The following DNAH12 variants were observed in gnomAD, a reference collection of about 807,000 sequenced individuals.
DNAH12 encodes axonemal beta dynein heavy chain 12.
DNAH12 carries 285 observed loss-of-function variants against 371.5 expected under a neutral mutation model. The ratio of observed to expected loss-of-function variants is 0.77; its 90% CI spans 0.70 to 0.85. The LOEUF (loss-of-function observed/expected upper bound fraction) is 0.85. Ranked by LOEUF, DNAH12 falls within the 40% of genes least tolerant of loss-of-function variation. DNAH12 has a pLI of 0.00. For missense variants in DNAH12, 3,611 were observed against 3,689.4 expected (o/e 0.98, Z 0.55); for synonymous variants, 1,200 against 1,213.0 (o/e 0.99, Z 0.22).
At chr3:57,341,961 A>T (rs1459994214) in intron 60 of DNAH12, among the ~76,000 whole-genome samples, 2 of 152,194 alleles carry the variant, frequency 1.3e-5, no homozygotes, top group Non-Finnish European at 2.9e-5. Context: ...AAATTAATCC[A>T]TGTATCTACA....
chr3:57,472,571 T>C lies in DNAH12; in HGVS notation c.1751A>G (p.Asn584Ser), dbSNP rs1240624118. 8.4e-6 allele frequency: 13 copies of C among 1,549,888 alleles called. No individual in the cohort carries two copies. The East Asian group carries it at 2.7e-4, about 32-fold the overall frequency. The change falls in exon 14 of 74, where the codon AAT becomes AGT. Residue 584 changes from asparagine (N) to serine (S), a missense_variant. Physicochemically the swap from Asn to Ser is conservative, Grantham distance 46 (BLOSUM62 1). This residue lies in a region of DNAH12 where 1,314 missense variants were observed against 1,398.7 expected (regional missense o/e 0.94). Coordinates refer to ENST00000495027, the MANE Select transcript of DNAH12 (RefSeq NM_001366028.2). ...CTCATCATTTTCATCAAAGATGGGA[T>C]TAATTTTCCTAGGCCACATGAGGAC... ...ATVLMWPRKI[N>S]PIFDENDELI...
At chr3:57,323,323 G>A in intron 63 of DNAH12, 63 bp from the exon 64 acceptor site, 1 of 1,501,972 alleles carries the variant, frequency 6.7e-7, no homozygotes, top group Non-Finnish European at 8.9e-7. Context: ...AGTGCCTTAT[G>A]TATAGGTGTT....
intron 70 of DNAH12, among the ~76,000 whole-genome samples, chr3:57,301,057 A>G (rs2061333364): frequency 1.3e-5 from 2 of 152,030 alleles, no homozygotes; most frequent in South Asian, 4.1e-4. Context: ...TGGGAGGCCA[A>G]GGTGGGAGGA....
At chr3:57,469,626 T>G (rs984581968) in intron 16 of DNAH12, among the ~76,000 whole-genome samples, 1 of 152,166 alleles carries the variant, frequency 6.6e-6, no homozygotes, top group East Asian at 1.9e-4. Context: ...TTGGTACATA[T>G]ACACCATGGA....
chr3:57,535,880 C>T (rs2069022683), intron 2 of DNAH12, among the ~76,000 whole-genome samples: 1 of 145,324 alleles, frequency 6.9e-6, no homozygotes, highest in African/African-American at 2.6e-5. Context: ...CTCTATTGCC[C>T]AGCTGGAGTA....
chr3:57,387,638 A>G lies in DNAH12; in HGVS notation c.7306-419T>C, dbSNP rs912763025. On this transcript the variant is annotated intron_variant, in intron 45 of 73. Coordinates refer to ENST00000495027, the MANE Select transcript of DNAH12 (RefSeq NM_001366028.2). ...TAGCAATATACCCAGCTAAAAGACT[A>G]AATCTCCTAGACTCCCTTGGAATTC... is the stretch of plus-strand genomic sequence containing the variant. Among the ~76,000 whole-genome samples the G allele has an allele frequency of 3.6e-3, 552 of 152,292 alleles. 2 individuals are homozygous for G. The highest frequency in any genetic ancestry group is 5.6e-3 in the Non-Finnish European group (378 of 68,024).
rs1175109486 is a variant in DNAH12, at chr3:57,366,832, G to A, written c.9064C>T (p.His3022Tyr). 2.0e-5 allele frequency: 3 copies of A among 152,154 alleles called. No homozygotes were observed. Among genetic ancestry groups the A allele is most frequent in the Non-Finnish European group, 4.4e-5 (3 of 68,028 alleles). 9.4% of individuals were successfully genotyped at this position (152,154 alleles called of 1,614,324 possible). The stretch of plus-strand genomic sequence containing the variant: ...TTTGTAGCCAGTTCTGGCATATAGT[G>A]CGGGTTTCTCAGTTTTGTGGTGATA... ...FYITTKLRNPHYMPELATKVS... is the reference protein window; with the variant it reads ...FYITTKLRNPYYMPELATKVS... Residue 3022 changes from histidine to tyrosine, a missense_variant, in exon 57 of 74, where the codon CAC becomes TAC. His to Tyr is a moderately conservative substitution (Grantham distance 83, BLOSUM62 2). Coordinates refer to ENST00000495027, the MANE Select transcript of DNAH12 (RefSeq NM_001366028.2).
chr3:57,468,773 A>T lies in DNAH12; in HGVS notation c.2312T>A (p.Met771Lys). 6.6e-7 allele frequency: 1 copy of T among 1,521,976 alleles called. No individual in the cohort carries two copies. The highest frequency in any genetic ancestry group is 1.3e-5 in the South Asian group (1 of 77,666). The allele number at this position is 1,521,976 out of a possible 1,614,324, so 94.3% of individuals were successfully genotyped here. A position where few individuals can be genotyped will look rare whatever the true frequency, so the allele number is the denominator to read the frequency against. ...EEPKDNATIT[M>K]CSTVMEQIKA... Reference sequence around the variant, plus strand: ...TATCTGTTCCATGACTGTACTGCACATAGTAATAGTAGCATTGTCTTTTGG... The same window carrying T: ...TATCTGTTCCATGACTGTACTGCACTTAGTAATAGTAGCATTGTCTTTTGG... The change falls in exon 17 of 74, where the codon ATG becomes AAG. Residue 771 changes from methionine (M) to lysine (K), a missense_variant. Physicochemically the swap from Met to Lys is moderately conservative, Grantham distance 95. This residue lies in a region of DNAH12 where 1,314 missense variants were observed against 1,398.7 expected (regional missense o/e 0.94). Transcript: ENST00000495027.
chr3:57,502,356 A>T lies in DNAH12; in HGVS notation c.1210T>A (p.Leu404Ile). 1.2e-6 allele frequency: 2 copies of T among 1,614,138 alleles called. No individual in the cohort carries two copies. Among genetic ancestry groups the T allele is most frequent in the Non-Finnish European group, 8.5e-7 (1 of 1,180,028 alleles). The change falls in exon 10 of 74, where the codon TTA becomes ATA. Residue 404 changes from leucine (L) to isoleucine (I), a missense_variant. Leu to Ile is a conservative substitution (Grantham distance 5). Transcript: ENST00000495027. ...DTLKAAVHRN[L>I]EGARKHYETY... ...TCATAATGCTTTCTTGCACCTTCTA[A>T]GTTCCGATGTACTGCTGCCTTCAGT...
intron 62 of DNAH12, among the ~76,000 whole-genome samples, chr3:57,333,824 CATT>C (rs1395715438): frequency 6.6e-6 from 1 of 152,056 alleles, no homozygotes; most frequent in African/African-American, 2.4e-5. Context: ...TCCAATCAGA[CATT>C]ATTAGACATG....
chr3:57,521,056 T>A (rs2068414269), intron 4 of DNAH12, among the ~76,000 whole-genome samples: 1 of 86,672 alleles, frequency 1.2e-5, no homozygotes, highest in African/African-American at 4.5e-5. Context: ...AAAGTGAGAC[T>A]CTGTCTCAAA....
intron 69 of DNAH12, among the ~76,000 whole-genome samples, chr3:57,307,287 C>A (rs182956181): frequency 6.6e-6 from 1 of 152,174 alleles, no homozygotes; most frequent in Admixed American, 6.5e-5. Context: ...GGAAACCTAG[C>A]TGACCCCATA....
chr3:57,373,972 A>G (rs2063230410), intron 55 of DNAH12, among the ~76,000 whole-genome samples: 1 of 152,242 alleles, frequency 6.6e-6, no homozygotes, highest in Non-Finnish European at 1.5e-5. Flanking sequence ...CAAAGAATAT[A>G]AAACAAACAA....
chr3:57,418,539 C>CAA (rs779250987), intron 37 of DNAH12, among the ~76,000 whole-genome samples: 117 of 100,880 alleles, frequency 1.2e-3, no homozygotes, highest in Middle Eastern at 5.8e-3. Flanking sequence ...GACCCTGTCT[C>CAA]AAAAAAAAAA....
chr3:57,303,113 G>A (rs1229732977), intron 69 of DNAH12, among the ~76,000 whole-genome samples: 1 of 151,446 alleles, frequency 6.6e-6, no homozygotes, highest in Non-Finnish European at 1.5e-5. Flanking sequence ...GCCGACGCGG[G>A]TGCATCACGA....
At chr3:57,489,012 G>A (rs192329034) in intron 12 of DNAH12, among the ~76,000 whole-genome samples, 1 of 152,004 alleles carries the variant, frequency 6.6e-6, no homozygotes, top group Non-Finnish European at 1.5e-5. Flanking sequence ...TCCAAAATCT[G>A]TTTAAACAAA....
At chr3:57,469,632 A>G (rs1285820651) in intron 16 of DNAH12, among the ~76,000 whole-genome samples, 6 of 152,240 alleles carry the variant, frequency 3.9e-5, no homozygotes. Flanking sequence ...CATATACACC[A>G]TGGAATACAA....
intron 58 of DNAH12, among the ~76,000 whole-genome samples, chr3:57,360,816 C>T (rs2062910633): frequency 6.6e-6 from 1 of 151,534 alleles, no homozygotes; most frequent in Non-Finnish European, 1.5e-5. Flanking sequence ...TTTTAATTAC[C>T]CTAAAGTGAA....
In DNAH12 at chr3:57,293,716, T is replaced by C; in HGVS notation, c.*65A>G. ...CCAAAACACTTGGTTTTATAATGTA[T>C]ATATTTTAAGTAGGACAGGTTTTTT... On this transcript the variant is annotated 3_prime_UTR_variant, in exon 74 of 74. Coordinates refer to ENST00000495027, the MANE Select transcript of DNAH12 (RefSeq NM_001366028.2). The C allele has an allele frequency of 6.8e-7, 1 of 1,462,088 alleles. No homozygotes were observed. Among genetic ancestry groups the C allele is most frequent in the South Asian group, 1.3e-5 (1 of 76,648 alleles). 90.6% of individuals were successfully genotyped at this position (1,462,088 alleles called of 1,614,324 possible).
Sources: gnomAD v4.1 joint callset for allele counts (sites outside exome capture counted in the v4.1 genomes callset) on GRCh38, gnomAD v4.1.1 for gene constraint, gnomAD v4.1.1 regional missense constraint, MANE v1.5 for transcripts, NCBI Gene and HGNC (gene_info 2026-07-23, HGNC 2026-07-21) for gene names.